Variants in MMS22L observed in about 807,000 individuals in gnomAD.
MMS22L encodes the protein protein MMS22-like.
A neutral mutation model predicts 159.1 loss-of-function variants in MMS22L; 74 were observed. The ratio of observed to expected loss-of-function variants is 0.47; its 90% CI spans 0.39 to 0.56. The LOEUF is 0.56. Among genes scored for constraint, MMS22L ranks in the 20% least tolerant of loss-of-function variants. The probability of loss-of-function intolerance (pLI) is 0.00; values close to 1 mark genes in which losing one functional copy is unlikely to be tolerated. For missense variants in MMS22L, 1,351 were observed against 1,422.1 expected, an observed-to-expected ratio of 0.95 and a Z score of 0.80; for synonymous variants, 517 against 506.9, an observed-to-expected ratio of 1.02 and a Z score of -0.27.
rs185323575 is a variant in MMS22L at position 97,149,197 on chromosome 6, A to G, written c.3650+656T>C. ...TTTCTTAGAACTTATCCCTGTCGTTAAGCAACACATAACTGTATTTTGATT... is the reference window on the plus strand; with the variant it reads ...TTTCTTAGAACTTATCCCTGTCGTTGAGCAACACATAACTGTATTTTGATT... On this transcript the variant is annotated intron_variant, in intron 24 of 24. Coordinates refer to ENST00000683635, the MANE Select transcript of MMS22L (RefSeq NM_001350599.2). Among the ~76,000 whole-genome samples, 45 of 152,296 alleles carry G rather than the reference A, an allele frequency of 3.0e-4. No homozygotes were observed. The East Asian group carries it at 7.9e-3, about 27-fold the overall frequency.
At chr6:97,175,754 C>A (rs924173357) in intron 18 of MMS22L, among the ~76,000 whole-genome samples, 3 of 152,134 alleles carry the variant, frequency 2.0e-5, no homozygotes, top group African/African-American at 7.2e-5. Context: ...ATGACAAATA[C>A]AAGTTTCTCA....
At chr6:97,174,270 A>AT (rs200048484) in intron 18 of MMS22L, among the ~76,000 whole-genome samples, 25 of 150,504 alleles carry the variant, frequency 1.7e-4, no homozygotes, top group African/African-American at 3.4e-4. Context: ...TAAAAAAAAA[A>AT]AAAAAATAAA....
intron 22 of MMS22L, among the ~76,000 whole-genome samples, chr6:97,156,705 T>C (rs1801887484): frequency 2.0e-5 from 3 of 152,234 alleles, no homozygotes; most frequent in Admixed American, 1.3e-4. Flanking sequence ...CATGCTGTTT[T>C]GATTACTGTA....
At chr6:97,244,713 T>C (rs1812445672) in intron 11 of MMS22L, among the ~76,000 whole-genome samples, 1 of 152,142 alleles carries the variant, frequency 6.6e-6, no homozygotes, top group Non-Finnish European at 1.5e-5. Flanking sequence ...AGGTGGCCAA[T>C]TGTAGGACCT....
In MMS22L at chr6:97,282,299, C is replaced by CT. The variant is rs1254595932; in HGVS notation, c.164+14dup. 10 of 1,611,672 alleles carry CT rather than the reference C, an allele frequency of 6.2e-6. No individual in the cohort carries two copies. The highest frequency in any genetic ancestry group is 8.5e-6 in the Non-Finnish European group (10 of 1,178,978). ...AATAATCAGATGAGGGAAAATGTCT[C>CT]TGAGTTTTACCTACCGCTTAAGGGC... On this transcript the variant is annotated intron_variant, in intron 2 of 24. Coordinates refer to ENST00000683635, the MANE Select transcript of MMS22L (RefSeq NM_001350599.2).
intron 20 of MMS22L, among the ~76,000 whole-genome samples, chr6:97,167,719 T>C (rs953582574): frequency 2.0e-5 from 3 of 152,008 alleles, no homozygotes; most frequent in Non-Finnish European, 4.4e-5. Flanking sequence ...TGAAAAGCCC[T>C]CCAACTCCTA....
At chr6:97,215,475 C>T (rs1808908617) in intron 14 of MMS22L, among the ~76,000 whole-genome samples, 1 of 152,140 alleles carries the variant, frequency 6.6e-6, no homozygotes, top group South Asian at 2.1e-4. Context: ...TCTCATTCTC[C>T]CACAGTGTTC....
intron 12 of MMS22L, among the ~76,000 whole-genome samples, chr6:97,231,969 T>C (rs1810921003): frequency 6.6e-6 from 1 of 152,178 alleles, no homozygotes; most frequent in Non-Finnish European, 1.5e-5. Context: ...TTCCCAATGT[T>C]TTTGTTATAC....
intron 22 of MMS22L, among the ~76,000 whole-genome samples, chr6:97,158,143 T>C (rs956898663): frequency 2.0e-5 from 3 of 152,202 alleles, no homozygotes; most frequent in Non-Finnish European, 2.9e-5. Flanking sequence ...GTAGTTTGTA[T>C]TTCTGTGGGA....
Position 97,144,627 on chromosome 6 carries a change from A to G in MMS22L, c.*2179T>C, listed in dbSNP as rs1278973584. ...GGTAGAAGCAGCAGCCTCAGAAATT[A>G]CAGGGTATTTAGGGAAAGTGGCTAT... On this transcript the variant is annotated 3_prime_UTR_variant, in exon 25 of 25. Coordinates refer to ENST00000683635, the MANE Select transcript of MMS22L (RefSeq NM_001350599.2). 6.6e-6 allele frequency: 1 copy of G among 152,182 alleles called. No homozygotes were observed. Among genetic ancestry groups the G allele is most frequent in the Non-Finnish European group, 1.5e-5 (1 of 68,040 alleles). The allele number at this position is 152,182 out of a possible 1,614,324, so 9.4% of individuals were successfully genotyped here.
intron 14 of MMS22L, among the ~76,000 whole-genome samples, chr6:97,196,359 G>A (rs141944506): frequency 9.9e-5 from 15 of 152,226 alleles, no homozygotes; most frequent in East Asian, 7.7e-4. Flanking sequence ...CATGAGTAAA[G>A]CATAGTGACA....
intron 9 of MMS22L, among the ~76,000 whole-genome samples, chr6:97,256,672 C>T (rs1813844989): frequency 6.6e-6 from 1 of 152,136 alleles, no homozygotes; most frequent in Non-Finnish European, 1.5e-5. Flanking sequence ...CTATATTGGC[C>T]AGCTGTGGCA....
chr6:97,269,578 C>T (rs1013935424), intron 7 of MMS22L, among the ~76,000 whole-genome samples: 4 of 152,026 alleles, frequency 2.6e-5, no homozygotes, highest in Non-Finnish European at 5.9e-5. Context: ...TAGGTACTAA[C>T]ATAAACAGAT....
chr6:97,215,626 A>G (rs1278350931), intron 14 of MMS22L, among the ~76,000 whole-genome samples: 1 of 152,158 alleles, frequency 6.6e-6, no homozygotes, highest in Non-Finnish European at 1.5e-5. Context: ...TGAGCAGCAT[A>G]GTGACACAGA....
chr6:97,157,996 T>C (rs527636292), intron 22 of MMS22L, among the ~76,000 whole-genome samples: 6 of 152,142 alleles, frequency 3.9e-5, no homozygotes, highest in African/African-American at 1.2e-4. Flanking sequence ...TCAATTTCAA[T>C]ACCTGTTATT....
At chr6:97,180,836 GA>G (rs1162175713) in intron 16 of MMS22L, among the ~76,000 whole-genome samples, 1 of 152,102 alleles carries the variant, frequency 6.6e-6, no homozygotes, top group African/African-American at 2.4e-5. Context: ...AAAGCCCAAT[GA>G]AAAAATGTAT....
intron 14 of MMS22L, among the ~76,000 whole-genome samples, chr6:97,218,172 C>T (rs966007891): frequency 5.9e-5 from 9 of 151,968 alleles, no homozygotes; most frequent in Non-Finnish European, 1.3e-4. Flanking sequence ...TCAATAACAC[C>T]GAAAACCTTT....
At chr6:97,182,329 A>G (rs1582500922) in intron 15 of MMS22L, among the ~76,000 whole-genome samples, 1 of 152,202 alleles carries the variant, frequency 6.6e-6, no homozygotes, top group East Asian at 1.9e-4. Context: ...TCTAATTACA[A>G]ATTCTATGCC....
chr6:97,163,374 A>G (rs1421101996), intron 21 of MMS22L, among the ~76,000 whole-genome samples: 2 of 152,010 alleles, frequency 1.3e-5, no homozygotes, highest in Admixed American at 6.6e-5. Context: ...CAGATGAGGG[A>G]GTGCAGGAAT....
Sources: allele counts gnomAD v4.1 joint callset (sites outside exome capture counted in the v4.1 genomes callset), GRCh38; gene constraint gnomAD v4.1.1; transcripts MANE v1.5; gene names NCBI Gene and HGNC (gene_info 2026-07-23, HGNC 2026-07-21).